The following SYT2 variants were observed in gnomAD, a reference collection of about 807,000 sequenced individuals.
SYT2 encodes the protein synaptotagmin-2.
In SYT2, 15 loss-of-function variants were observed where a neutral mutation model predicts 39.9. The ratio of observed to expected loss-of-function variants is 0.38; its 90% CI spans 0.25 to 0.58. The LOEUF (loss-of-function observed/expected upper bound fraction) is 0.58. Ranked by LOEUF, SYT2 falls within the 20% of genes least tolerant of loss-of-function variation. The pLI, the probability that SYT2 is intolerant of heterozygous loss-of-function variation, is 0.70. For missense variants in SYT2, 389 were observed against 530.3 expected (o/e 0.73, Z 2.62); for synonymous variants, 181 against 204.5 (o/e 0.89, Z 0.98).
intron 1 of SYT2, among the ~76,000 whole-genome samples, chr1:202,667,183 C>T (rs1006209175): frequency 2.6e-5 from 4 of 151,940 alleles, no homozygotes; most frequent in African/African-American, 9.7e-5. Flanking sequence ...AGAGCTACTA[C>T]CACTCCTAGG....
chr1:202,627,858 A>G (rs1691463485), intron 1 of SYT2, among the ~76,000 whole-genome samples: 1 of 152,242 alleles, frequency 6.6e-6, no homozygotes, highest in Admixed American at 6.5e-5. Flanking sequence ...GGGAGACGAC[A>G]GAGCTCAGGC....
chr1:202,683,374 T>C (rs1425107668), intron 1 of SYT2, among the ~76,000 whole-genome samples: 2 of 152,160 alleles, frequency 1.3e-5, no homozygotes, highest in Non-Finnish European at 2.9e-5. Flanking sequence ...TCAATGTGGA[T>C]AAACCATAAC....
At chr1:202,696,150 A>G (rs1342722324) in intron 1 of SYT2, among the ~76,000 whole-genome samples, 1 of 152,250 alleles carries the variant, frequency 6.6e-6, no homozygotes, top group Admixed American at 6.5e-5. Flanking sequence ...AGAGAAAGTG[A>G]CAAGTTCACG....
chr1:202,612,451 T>C (rs544610926), intron 1 of SYT2, among the ~76,000 whole-genome samples: 1 of 152,264 alleles, frequency 6.6e-6, no homozygotes, highest in East Asian at 1.9e-4. Flanking sequence ...CACTGCAGCC[T>C]TGACCTCCCG....
chr1:202,641,814 T>TC, intron 1 of SYT2, among the ~76,000 whole-genome samples: 1 of 152,368 alleles, frequency 6.6e-6, no homozygotes, highest in Non-Finnish European at 1.5e-5. Context: ...CATCTGTCTG[T>TC]CACAGCCAAC....
chr1:202,667,815 C>T (rs972978291), intron 1 of SYT2, among the ~76,000 whole-genome samples: 3 of 151,978 alleles, frequency 2.0e-5, no homozygotes, highest in Non-Finnish European at 2.9e-5. Flanking sequence ...CGGGTTCAAG[C>T]GATTCTCCTG....
At chr1:202,674,903 T>C (rs1208550806) in intron 1 of SYT2, among the ~76,000 whole-genome samples, 1 of 49,870 alleles carries the variant, frequency 2.0e-5, no homozygotes, top group South Asian at 1.0e-3. Flanking sequence ...ACCCCAATAA[T>C]CTCAATGTCA....
intron 1 of SYT2, among the ~76,000 whole-genome samples, chr1:202,670,863 C>T (rs980153533): frequency 6.6e-6 from 1 of 152,224 alleles, no homozygotes; most frequent in African/African-American, 2.4e-5. Context: ...ACACAGCCAT[C>T]GGTATCATTG....
chr1:202,703,062 A>G (rs759924170), intron 1 of SYT2, among the ~76,000 whole-genome samples: 30 of 152,222 alleles, frequency 2.0e-4, no homozygotes, highest in Admixed American at 6.5e-5. Context: ...GGACATGCAC[A>G]ACACATCTGG....
chr1:202,630,992 C>T (rs772982554), intron 1 of SYT2, among the ~76,000 whole-genome samples: 4 of 152,324 alleles, frequency 2.6e-5, no homozygotes, highest in Non-Finnish European at 5.9e-5. Context: ...CCCACACACA[C>T]GGCATTCGGC....
At chr1:202,638,996 T>G (rs1285357349) in intron 1 of SYT2, among the ~76,000 whole-genome samples, 1 of 152,206 alleles carries the variant, frequency 6.6e-6, no homozygotes, top group Non-Finnish European at 1.5e-5. Flanking sequence ...TATTTCTGTC[T>G]TTTGGTCTGT....
chr1:202,705,101 G>A (rs1257328821), intron 1 of SYT2, among the ~76,000 whole-genome samples: 1 of 152,264 alleles, frequency 6.6e-6, no homozygotes, highest in African/African-American at 2.4e-5. Flanking sequence ...TAGAGCTGGT[G>A]AGAAGCGGCG....
intron 1 of SYT2, chr1:202,632,208 G>C: frequency 2.0e-6 from 1 of 494,272 alleles, no homozygotes; most frequent in African/African-American, 2.1e-5. Context: ...GCCAAGTCTG[G>C]GCCCAGAAGG....
chr1:202,699,478 C>A (rs1654058381), intron 1 of SYT2, among the ~76,000 whole-genome samples: 1 of 152,228 alleles, frequency 6.6e-6, no homozygotes, highest in African/African-American at 2.4e-5. Context: ...CTGGGACAGA[C>A]AAACTTGAAT....
intron 3 of SYT2, 98 bp from the exon 4 acceptor site, chr1:202,603,216 A>T: frequency 6.7e-7 from 1 of 1,487,690 alleles, no homozygotes; most frequent in Non-Finnish European, 9.1e-7. Context: ...TCTGTGGTAG[A>T]CCCTGACTCA....
rs1690272366 is a variant in SYT2, at chr1:202,596,055, A to G, written c.*702T>C. 6.6e-6 allele frequency: 1 copy of G among 152,144 alleles called. No individual in the cohort carries two copies. The highest frequency in any genetic ancestry group is 2.4e-5 in the African/African-American group (1 of 41,416). The allele number at this position is 152,144 out of a possible 1,614,324, so 9.4% of individuals were successfully genotyped here. On this transcript the variant is annotated 3_prime_UTR_variant, in exon 9 of 9. Coordinates refer to ENST00000367268, the MANE Select transcript of SYT2 (RefSeq NM_177402.5). ...TGCCTCCCAAATAGCCACCAACAGG[A>G]GTATGAAAGCCCCGATATCTGAACA...
intron 1 of SYT2, among the ~76,000 whole-genome samples, chr1:202,652,511 T>C (rs1322292449): frequency 1.3e-5 from 2 of 152,222 alleles, no homozygotes; most frequent in Non-Finnish European, 2.9e-5. Context: ...AGTTAGTGCA[T>C]GGTGACAGGA....
rs550197475 is a variant in SYT2, at chr1:202,591,390, G to A, written c.*5367C>T. 212 of 152,694 alleles carry A rather than the reference G, an allele frequency of 1.4e-3. No individual in the cohort carries two copies. The highest frequency in any genetic ancestry group is 3.4e-3 in the Middle Eastern group (1 of 296). 9.5% of individuals were successfully genotyped at this position (152,694 alleles called of 1,614,324 possible). A position where few individuals can be genotyped will look rare whatever the true frequency, so the allele number is the denominator to read the frequency against. ...TCAGGTGCCCATGGGGCCAGGGGCC[G>A]CAGGCAGGGGGGCTACCTGTCCCTC... On this transcript the variant is annotated 3_prime_UTR_variant, in exon 9 of 9. Coordinates refer to ENST00000367268, the MANE Select transcript of SYT2 (RefSeq NM_177402.5).
chr1:202,705,111 G>A (rs1654216079), intron 1 of SYT2, among the ~76,000 whole-genome samples: 1 of 152,262 alleles, frequency 6.6e-6, no homozygotes, highest in Non-Finnish European at 1.5e-5. Context: ...GAGAAGCGGC[G>A]AGGAGAGGAG....
Sources: allele counts gnomAD v4.1 joint callset (sites outside exome capture counted in the v4.1 genomes callset), GRCh38; gene constraint gnomAD v4.1.1; transcripts MANE v1.5; gene names NCBI Gene and HGNC (gene_info 2026-07-23, HGNC 2026-07-21).